Variants in STX7 observed in about 807,000 individuals in gnomAD.
STX7 encodes the protein syntaxin 7.
Under a neutral mutation model 39.6 loss-of-function variants are expected in STX7, and 34 were observed. The ratio of observed to expected loss-of-function variants is 0.86; its 90% CI spans 0.65 to 1.14. STX7 has a LOEUF of 1.14. Ranked by LOEUF, STX7 falls within the 50% of genes most tolerant of loss-of-function variation. STX7 has a pLI of 0.00. For missense variants in STX7, 284 were observed against 310.4 expected, an observed-to-expected ratio of 0.92 and a Z score of 0.64; for synonymous variants, 119 against 99.1, an observed-to-expected ratio of 1.20 and a Z score of -1.19.
intron 8 of STX7, among the ~76,000 whole-genome samples, chr6:132,467,256 T>C (rs780835874): frequency 4.6e-5 from 7 of 152,226 alleles, no homozygotes; most frequent in Non-Finnish European, 1.0e-4. Context: ...GGTATGCTTC[T>C]GCCTCAAGGC....
rs1774230042 is a variant in STX7 at position 132,455,877 on chromosome 6, TAAAAGA to T, written c.*4875_*4880del. ...TTTTCTTCTTTATTCCTATTTGATT[TAAAAGA>T]AAAAGATTTGCCAAGGGATGGGTAG... On this transcript the variant is annotated 3_prime_UTR_variant, in exon 10 of 10. Transcript: ENST00000367941. 6.6e-6 allele frequency: 1 copy of T among 152,220 alleles called. No individual in the cohort carries two copies. The highest frequency in any genetic ancestry group is 6.5e-5 in the Admixed American group (1 of 15,274). The allele number at this position is 152,220 out of a possible 1,614,324, so 9.4% of individuals were successfully genotyped here.
At chr6:132,463,305 A>G (rs1302963366) in intron 9 of STX7, among the ~76,000 whole-genome samples, 1 of 152,220 alleles carries the variant, frequency 6.6e-6, no homozygotes, top group Non-Finnish European at 1.5e-5. Flanking sequence ...CATGGTATTT[A>G]GGGGTTTCCA....
At chr6:132,473,860 C>A (rs1387131622) in intron 3 of STX7, among the ~76,000 whole-genome samples, 1 of 151,986 alleles carries the variant, frequency 6.6e-6, no homozygotes, top group African/African-American at 2.4e-5. Flanking sequence ...CTATTTCTAT[C>A]TCTATTTACC....
At chr6:132,494,740 T>C (rs192071585) in intron 2 of STX7, among the ~76,000 whole-genome samples, 2 of 152,254 alleles carry the variant, frequency 1.3e-5, no homozygotes, top group Admixed American at 1.3e-4. Context: ...GAGGATATTG[T>C]GGGGCATGGT....
chr6:132,452,436 T>G lies in STX7; in HGVS notation c.*8322A>C, dbSNP rs1229267068. 6.6e-6 allele frequency: 1 copy of G among 151,592 alleles called. No homozygotes were observed. Among genetic ancestry groups the G allele is most frequent in the East Asian group, 1.9e-4 (1 of 5,160 alleles). 9.4% of individuals were successfully genotyped at this position (151,592 alleles called of 1,614,324 possible). On this transcript the variant is annotated 3_prime_UTR_variant, in exon 10 of 10. Coordinates refer to ENST00000367941, the MANE Select transcript of STX7 (RefSeq NM_003569.3). ...GGAATATAGGTCAGAAATGAAGAGATAAAACTATTCATTATTTGCAGATGA... is the reference window on the plus strand; with the variant it reads ...GGAATATAGGTCAGAAATGAAGAGAGAAAACTATTCATTATTTGCAGATGA...
rs1338261012 is a variant in STX7, at chr6:132,446,081, A to C, written c.*14677T>G. ...ACCCTTACAACTATTTATATTGCAA[A>C]AGCTTTGCCCTCCTGCAAGAACATG... On this transcript the variant is annotated 3_prime_UTR_variant, in exon 10 of 10. Coordinates refer to ENST00000367941, the MANE Select transcript of STX7 (RefSeq NM_003569.3). 2 of 152,180 alleles carry C rather than the reference A, an allele frequency of 1.3e-5. No homozygotes were observed. The highest frequency in any genetic ancestry group is 2.9e-5 in the Non-Finnish European group (2 of 68,032). The allele number at this position is 152,180 out of a possible 1,614,324, so 9.4% of individuals were successfully genotyped here.
At chr6:132,508,891 T>C (rs1317882929) in intron 1 of STX7, among the ~76,000 whole-genome samples, 2 of 152,164 alleles carry the variant, frequency 1.3e-5, no homozygotes, top group African/African-American at 2.4e-5. Context: ...AAGTTAACAA[T>C]GGCCAACACT....
chr6:132,511,629 G>A (rs1775848303), intron 1 of STX7, among the ~76,000 whole-genome samples: 1 of 152,212 alleles, frequency 6.6e-6, no homozygotes, highest in African/African-American at 2.4e-5. Context: ...AGGGTGCTCT[G>A]TCTACATAAG....
In STX7 at chr6:132,448,412, A is replaced by G. The variant is rs1278895539; in HGVS notation, c.*12346T>C. On this transcript the variant is annotated 3_prime_UTR_variant, in exon 10 of 10. Transcript: ENST00000367941. ...TTGTTTGTAAATTCTCATTTTGAGAAAAAAGTGTTTTTAATATACCCTTGA... is the reference window on the plus strand; with the variant it reads ...TTGTTTGTAAATTCTCATTTTGAGAGAAAAGTGTTTTTAATATACCCTTGA... 7 of 152,208 alleles carry G rather than the reference A, an allele frequency of 4.6e-5. No individual in the cohort carries two copies. Among genetic ancestry groups the G allele is most frequent in the Admixed American group, 3.9e-4 (6 of 15,280 alleles). The allele number at this position is 152,208 out of a possible 1,614,324, so 9.4% of individuals were successfully genotyped here. A position where few individuals can be genotyped will look rare whatever the true frequency, so the allele number is the denominator to read the frequency against.
rs1179571415 is a variant in STX7, at chr6:132,450,699, C to A, written c.*10059G>T. On this transcript the variant is annotated 3_prime_UTR_variant, in exon 10 of 10. Coordinates refer to ENST00000367941, the MANE Select transcript of STX7 (RefSeq NM_003569.3). ...GCTACTGCAGAAAGAATGAATAAAT[C>A]TGAAGATAAAATGATAGAAATTACA... The A allele has an allele frequency of 6.6e-6, 1 of 152,010 alleles. No individual in the cohort carries two copies. The highest frequency in any genetic ancestry group is 1.5e-5 in the Non-Finnish European group (1 of 67,994). The allele number at this position is 152,010 out of a possible 1,614,324, so 9.4% of individuals were successfully genotyped here.
At chr6:132,510,029 C>T (rs1269139489) in intron 1 of STX7, among the ~76,000 whole-genome samples, 1 of 152,100 alleles carries the variant, frequency 6.6e-6, no homozygotes, top group African/African-American at 2.4e-5. Context: ...ACAGACTAGC[C>T]ACTAACTAAA....
chr6:132,492,872 A>T (rs1365807544), intron 2 of STX7, among the ~76,000 whole-genome samples: 2 of 152,268 alleles, frequency 1.3e-5, no homozygotes, highest in South Asian at 2.1e-4. Flanking sequence ...GGTATATAGG[A>T]AATACCATAC....
chr6:132,468,119 T>A (rs962776156), intron 8 of STX7, among the ~76,000 whole-genome samples: 2 of 152,210 alleles, frequency 1.3e-5, no homozygotes, highest in African/African-American at 4.8e-5. Context: ...TAAGCTGGAA[T>A]AATGTTTCAT....
intron 2 of STX7, among the ~76,000 whole-genome samples, chr6:132,491,660 T>C (rs896653900): frequency 2.6e-5 from 4 of 152,132 alleles, no homozygotes; most frequent in African/African-American, 4.8e-5. Context: ...ACACGTCTCC[T>C]ACTGAAATGA....
At chr6:132,468,497 A>G in intron 7 of STX7, 22 bp from the exon 8 acceptor site, 1 of 1,564,752 alleles carries the variant, frequency 6.4e-7, no homozygotes, top group Non-Finnish European at 8.7e-7. Context: ...CGCATATATT[A>G]TTATAATCAG....
rs907058069 is a variant in STX7 at position 132,454,558 on chromosome 6, A to T, written c.*6200T>A. The T allele has an allele frequency of 7.2e-5, 11 of 152,298 alleles. No homozygotes were observed. Among genetic ancestry groups the T allele is most frequent in the African/African-American group, 2.6e-4 (11 of 41,554 alleles). The allele number at this position is 152,298 out of a possible 1,614,324, so 9.4% of individuals were successfully genotyped here. On this transcript the variant is annotated 3_prime_UTR_variant, in exon 10 of 10. Coordinates refer to ENST00000367941, the MANE Select transcript of STX7 (RefSeq NM_003569.3). ...AATACTAGCATTAAACATATTTTAT[A>T]CTTTATAAAGAATGGGCTCTATTTC... is the stretch of plus-strand genomic sequence containing the variant.
intron 2 of STX7, among the ~76,000 whole-genome samples, chr6:132,499,495 G>A (rs1263007984): frequency 6.6e-6 from 1 of 152,194 alleles, no homozygotes; most frequent in African/African-American, 2.4e-5. Context: ...CTATGAGAAT[G>A]TTCTTTTCAA....
intron 1 of STX7, among the ~76,000 whole-genome samples, chr6:132,510,438 T>C (rs1036359841): frequency 5.3e-5 from 8 of 152,226 alleles, no homozygotes; most frequent in East Asian, 1.9e-4. Context: ...AGATAACTGA[T>C]TGCAGTAAGA....
intron 1 of STX7, among the ~76,000 whole-genome samples, chr6:132,508,046 C>T (rs2114485833): frequency 6.6e-6 from 1 of 152,306 alleles, no homozygotes; most frequent in Admixed American, 6.5e-5. Flanking sequence ...AGCATTTGGG[C>T]CCACTGCCAG....
Sources: gnomAD v4.1 joint callset for allele counts (sites outside exome capture counted in the v4.1 genomes callset) on GRCh38, gnomAD v4.1.1 for gene constraint, MANE v1.5 for transcripts, NCBI Gene and HGNC (gene_info 2026-07-23, HGNC 2026-07-21) for gene names.